The following SYDE2 variants were observed in gnomAD, a reference collection of about 807,000 sequenced individuals.
SYDE2 encodes the protein rho GTPase-activating protein SYDE2.
In SYDE2, 76 loss-of-function variants were observed where a neutral mutation model predicts 91.5. The ratio of observed to expected loss-of-function variants is 0.83; its 90% CI spans 0.69 to 1.01. The LOEUF is 1.01. SYDE2 is among the 50% of genes least tolerant of loss of function. The pLI, the probability that SYDE2 is intolerant of heterozygous loss-of-function variation, is 0.00. For missense variants in SYDE2, 1,364 were observed against 1,367.7 expected, an observed-to-expected ratio of 1.00 and a Z score of 0.04; for synonymous variants, 513 against 506.4, an observed-to-expected ratio of 1.01 and a Z score of -0.18.
At chr1:85,199,840 C>T (rs1436044037) in intron 1 of SYDE2, among the ~76,000 whole-genome samples, 5 of 151,780 alleles carry the variant, frequency 3.3e-5, no homozygotes, top group African/African-American at 1.2e-4. Flanking sequence ...TACCTTGAAT[C>T]AAATTCAAAT....
chr1:85,158,664 A>G lies in SYDE2; in HGVS notation c.*86T>C, dbSNP rs1216528182. On this transcript the variant is annotated 3_prime_UTR_variant, in exon 7 of 7. Coordinates refer to ENST00000341460, the MANE Select transcript of SYDE2 (RefSeq NM_032184.2). The stretch of plus-strand genomic sequence containing the variant: ...AATTAAAGATTTCAAGAGTAAAAAA[A>G]TGAAAACATCGCTGTGGGTGGTATA... 3 of 578,502 alleles carry G rather than the reference A, an allele frequency of 5.2e-6. No homozygotes were observed. The highest frequency in any genetic ancestry group is 3.9e-5 in the African/African-American group (2 of 51,348). 35.8% of individuals were successfully genotyped at this position (578,502 alleles called of 1,614,324 possible). A position where few individuals can be genotyped will look rare whatever the true frequency, so the allele number is the denominator to read the frequency against.
Position 85,174,637 on chromosome 1 carries a change from C to A in SYDE2, c.2671+3509G>T, listed in dbSNP as rs574265598. Among the ~76,000 whole-genome samples, 276 of 151,924 alleles carry A rather than the reference C, an allele frequency of 1.8e-3. 1 individual carries two copies. The highest frequency in any genetic ancestry group is 6.3e-3 in the African/African-American group (260 of 41,430). The stretch of plus-strand genomic sequence containing the variant: ...TTACTTTTTTAAATCCACTAACCCA[C>A]CCCCACCTTACCTCACTTACTCTTT... On this transcript the variant is annotated intron_variant, in intron 4 of 6. Coordinates refer to ENST00000341460, the MANE Select transcript of SYDE2 (RefSeq NM_032184.2).
intron 3 of SYDE2, among the ~76,000 whole-genome samples, chr1:85,180,161 G>T (rs114520424): frequency 2.2e-3 from 337 of 152,232 alleles, no homozygotes; most frequent in African/African-American, 7.7e-3. Context: ...TTTGGAAGAT[G>T]CAAAGACCCA....
chr1:85,183,375 A>G (rs1380699347), intron 2 of SYDE2, among the ~76,000 whole-genome samples, 175 bp from the exon 3 acceptor site: 2 of 152,054 alleles, frequency 1.3e-5, no homozygotes, highest in African/African-American at 4.8e-5. Flanking sequence ...ATGATATTCA[A>G]GCAGAATACT....
chr1:85,200,552 C>T lies in SYDE2; in HGVS notation c.445G>A (p.Asp149Asn), dbSNP rs1354656401. The change falls in exon 1 of 7, where the codon GAC (aspartate) becomes AAC (asparagine). Residue 149 changes from aspartate (D) to asparagine (N), a missense_variant. Physicochemically the swap from Asp to Asn is conservative, Grantham distance 23. Coordinates refer to ENST00000341460, the MANE Select transcript of SYDE2 (RefSeq NM_032184.2). ...GGGCTTCCCGAGGAGCAGCCGTGGTCCTTGCAGCCTGGAGGCTGGAGGCCG... is the reference window on the plus strand; with the variant it reads ...GGGCTTCCCGAGGAGCAGCCGTGGTTCTTGCAGCCTGGAGGCTGGAGGCCG... Reference protein sequence around the residue: ...PTGLQPPGCKDHGCSSGSPFR... With the variant: ...PTGLQPPGCKNHGCSSGSPFR... The T allele has an allele frequency of 6.2e-7, 1 of 1,609,116 alleles. No individual in the cohort carries two copies. Among genetic ancestry groups the T allele is most frequent in the African/African-American group, 1.3e-5 (1 of 74,892 alleles).
chr1:85,180,785 CTCTT>C (rs780072756), intron 3 of SYDE2, among the ~76,000 whole-genome samples: 11 of 152,016 alleles, frequency 7.2e-5, no homozygotes, highest in Non-Finnish European at 1.3e-4. Context: ...TATATACCTG[CTCTT>C]TCTAAATATT....
Position 85,200,379 on chromosome 1 carries a change from C to T in SYDE2, c.618G>A (p.Lys206=), listed in dbSNP as rs1218377419. ...YKGRLLSLGM[K]GRARGTAPKV... ...TGGGAGCCGTCCCACGGGCACGACC[C>T]TTCATTCCCAGGGACAGCAGACGCC... is the stretch of plus-strand genomic sequence containing the variant. Residue 206 remains lysine, a synonymous_variant, in exon 1 of 7, where the codon AAG becomes AAA. Transcript: ENST00000341460. 1 of 1,614,050 alleles carries T rather than the reference C, an allele frequency of 6.2e-7. No homozygotes were observed. Among genetic ancestry groups the T allele is most frequent in the Admixed American group, 1.7e-5 (1 of 60,032 alleles).
In SYDE2 at chr1:85,169,236, C is replaced by A; in HGVS notation, c.2672-11G>T. On this transcript the variant is annotated splice_polypyrimidine_tract_variant and intron_variant, in intron 4 of 6. Transcript: ENST00000341460. ...AATCCTTAAGAACACCTTTAAAAAA[C>A]AAACCGCAGACAGTTGGTGATTGGA... 1 of 1,600,734 alleles carries A rather than the reference C, an allele frequency of 6.2e-7. No individual in the cohort carries two copies.
intron 1 of SYDE2, among the ~76,000 whole-genome samples, chr1:85,193,685 AC>A (rs1658461161): frequency 1.3e-5 from 2 of 152,100 alleles, no homozygotes; most frequent in Admixed American, 6.6e-5. Flanking sequence ...GCACAGTGGC[AC>A]CATTATGGCT....
intron 1 of SYDE2, among the ~76,000 whole-genome samples, chr1:85,197,224 C>T (rs1325195585): frequency 6.6e-6 from 1 of 152,180 alleles, no homozygotes; most frequent in African/African-American, 2.4e-5. Flanking sequence ...AATCTGCGAA[C>T]ACTACATACT....
chr1:85,160,320 T>C (rs1657015043), intron 6 of SYDE2: 19 of 916,918 alleles, frequency 2.1e-5, no homozygotes, highest in Non-Finnish European at 2.5e-5. Flanking sequence ...AGACTTAAAG[T>C]GATATTCATA....
intron 1 of SYDE2, among the ~76,000 whole-genome samples, chr1:85,193,467 T>C (rs1235425619): frequency 6.6e-6 from 1 of 152,204 alleles, no homozygotes; most frequent in African/African-American, 2.4e-5. Context: ...TTTAAATCTT[T>C]TTGGAGTTTT....
In SYDE2 at chr1:85,200,316, G is replaced by T. The variant is rs758548925; in HGVS notation, c.681C>A (p.Gly227=). Residue 227 remains glycine (G), a synonymous_variant, in exon 1 of 7, where the codon GGC becomes GGA. Transcript: ENST00000341460. ...TGTQAASPNV[G]ALKVRENRVL... ...CACGGTTTTCACGCACTTTCAAAGC[G>T]CCCACATTTGGGGAGGCTGCCTGCG... 36 of 1,613,882 alleles carry T rather than the reference G, an allele frequency of 2.2e-5. No homozygotes were observed. Among genetic ancestry groups the T allele is most frequent in the Middle Eastern group, 1.6e-4 (1 of 6,084 alleles).
At chr1:85,163,111 T>C (rs1251398553) in intron 6 of SYDE2, among the ~76,000 whole-genome samples, 1 of 151,280 alleles carries the variant, frequency 6.6e-6, no homozygotes, top group Non-Finnish European at 1.5e-5. Flanking sequence ...AAGTTGAATT[T>C]TTTTTTTTTT....
At chr1:85,169,329 T>C (rs1657414654) in intron 4 of SYDE2, 104 bp from the exon 5 acceptor site, 1 of 785,274 alleles carries the variant, frequency 1.3e-6, no homozygotes. Flanking sequence ...ACTTTCAACA[T>C]TTTGAAAACA....
chr1:85,187,257 A>G (rs1658179699), intron 2 of SYDE2, among the ~76,000 whole-genome samples: 2 of 152,206 alleles, frequency 1.3e-5, no homozygotes, highest in Admixed American at 6.5e-5. Flanking sequence ...CAAAAAACAC[A>G]TGAAAAAATG....
At position 85,158,828 on chromosome 1, in the gene SYDE2, A is replaced by G. The variant is rs1656957093; in HGVS notation, c.3507T>C (p.Asp1169=). The change falls in exon 7 of 7, where the codon GAT becomes GAC. Residue 1169 remains aspartate, a synonymous_variant. Coordinates refer to ENST00000341460, the MANE Select transcript of SYDE2 (RefSeq NM_032184.2). Reference sequence around the variant, plus strand: ...TCAAAGTATCAATACTTTCTTGTAGATCTTTGAGATTGTTTTTTCGATCCA... The same window carrying G: ...TCAAAGTATCAATACTTTCTTGTAGGTCTTTGAGATTGTTTTTTCGATCCA... ...STVDRKNNLK[D]LQESIDTLIG... The G allele has an allele frequency of 1.3e-6, 1 of 775,018 alleles. No individual in the cohort carries two copies. The allele number at this position is 775,018 out of a possible 1,614,324, so 48.0% of individuals were successfully genotyped here. A position where few individuals can be genotyped will look rare whatever the true frequency, so the allele number is the denominator to read the frequency against.
chr1:85,159,720 TG>T, intron 6 of SYDE2: 2 of 444,140 alleles, frequency 4.5e-6, no homozygotes, highest in Non-Finnish European at 6.0e-6. Context: ...CCGACCCTTG[TG>T]GGCTTTTCTG....
At chr1:85,187,112 CT>C in intron 2 of SYDE2, among the ~76,000 whole-genome samples, 1 of 152,216 alleles carries the variant, frequency 6.6e-6, no homozygotes, top group African/African-American at 2.4e-5. Flanking sequence ...TCGCAACCTA[CT>C]CATCTGACAA....
Sources: gnomAD v4.1 joint callset for allele counts (sites outside exome capture counted in the v4.1 genomes callset) on GRCh38, gnomAD v4.1.1 for gene constraint, MANE v1.5 for transcripts, NCBI Gene and HGNC (gene_info 2026-07-23, HGNC 2026-07-21) for gene names.